The following RDX variants were observed in gnomAD, a reference collection of about 807,000 sequenced individuals.
RDX encodes radixin, also known as deafness, autosomal recessive 24.
In RDX, 32 loss-of-function variants were observed where a neutral mutation model predicts 83.7. The observed-to-expected ratio is 0.38, with a 90% CI of 0.29 to 0.51. The LOEUF (loss-of-function observed/expected upper bound fraction) is 0.51. Among genes scored for constraint, RDX ranks in the 20% least tolerant of loss-of-function variants. RDX has a pLI of 0.87. For synonymous variants in RDX, 229 were observed against 222.7 expected (o/e 1.03, Z -0.25); for missense variants, 600 against 689.9 (o/e 0.87, Z 1.46).
chr11:110,178,017 C>A (rs1036572197), intron 15 of RDX, among the ~76,000 whole-genome samples: 1 of 152,144 alleles, frequency 6.6e-6, no homozygotes, highest in African/African-American at 2.4e-5. Context: ...CACACAGTGA[C>A]ATCCCAGGTC....
chr11:110,181,524 T>C (rs1465091259), intron 15 of RDX, among the ~76,000 whole-genome samples: 1 of 152,222 alleles, frequency 6.6e-6, no homozygotes, highest in Admixed American at 6.5e-5. Flanking sequence ...CTTCCCAGTA[T>C]CTTCCACTGC....
intron 1 of RDX, among the ~76,000 whole-genome samples, chr11:110,289,419 G>A (rs991949571): frequency 6.6e-6 from 1 of 152,048 alleles, no homozygotes; most frequent in Non-Finnish European, 1.5e-5. Context: ...TTAGATATTA[G>A]CAGTAAGCTT....
chr11:110,187,153 G>A (rs1339188504), intron 15 of RDX, among the ~76,000 whole-genome samples: 1 of 152,166 alleles, frequency 6.6e-6, no homozygotes, highest in Non-Finnish European at 1.5e-5. Context: ...GGCACAGCAG[G>A]GCCCTCTCTA....
intron 5 of RDX, among the ~76,000 whole-genome samples, chr11:110,262,252 T>C (rs1437605053): frequency 6.6e-6 from 1 of 152,172 alleles, no homozygotes; most frequent in Non-Finnish European, 1.5e-5. Flanking sequence ...GTGACTACTA[T>C]TGCTACAAAA....
rs1321101443 is a variant in RDX at position 110,230,531 on chromosome 11, T to C, written c.*1338A>G. ...CTATCGTATCAAGGTACAGACATTC[T>C]TCACATGCTACAAGGTTAGCATTTC... On this transcript the variant is annotated 3_prime_UTR_variant, in exon 14 of 14. Transcript: ENST00000645495. 1 of 151,930 alleles carries C rather than the reference T, an allele frequency of 6.6e-6. No homozygotes were observed. Among genetic ancestry groups the C allele is most frequent in the East Asian group, 1.9e-4 (1 of 5,194 alleles). 9.4% of individuals were successfully genotyped at this position (151,930 alleles called of 1,614,324 possible). A position where few individuals can be genotyped will look rare whatever the true frequency, so the allele number is the denominator to read the frequency against.
intron 1 of RDX, among the ~76,000 whole-genome samples, 178 bp downstream of exon 1, chr11:110,296,289 C>A (rs1861456026): frequency 6.6e-6 from 1 of 150,878 alleles, no homozygotes; most frequent in Non-Finnish European, 1.5e-5. Context: ...GGAGCCTGGC[C>A]GGCCGGGCCG....
intron 15 of RDX, among the ~76,000 whole-genome samples, chr11:110,190,237 C>T (rs543028872): frequency 2.5e-4 from 38 of 152,228 alleles, no homozygotes; most frequent in South Asian, 2.3e-3. Context: ...GTCAGGAGTT[C>T]GAGACCAGCC....
chr11:110,199,455 C>T, intron 15 of RDX: 1 of 633,546 alleles, frequency 1.6e-6, no homozygotes, highest in Non-Finnish European at 2.9e-6. Context: ...GACTTGAAAT[C>T]CACAGGTCCT....
At chr11:110,245,129 T>C (rs2134333820) in intron 10 of RDX, among the ~76,000 whole-genome samples, 1 of 152,204 alleles carries the variant, frequency 6.6e-6, no homozygotes, top group East Asian at 1.9e-4. Context: ...TTTTGTAATT[T>C]TGGTGGAGAT....
chr11:110,271,572 A>T (rs1051844820), intron 3 of RDX, among the ~76,000 whole-genome samples: 3 of 152,212 alleles, frequency 2.0e-5, no homozygotes, highest in African/African-American at 7.2e-5. Context: ...GGGAAGCTTA[A>T]ATTTTAAAAT....
At chr11:110,206,190 G>C (rs1243685078) in intron 14 of RDX, among the ~76,000 whole-genome samples, 1 of 150,468 alleles carries the variant, frequency 6.6e-6, no homozygotes, top group Non-Finnish European at 1.5e-5. Context: ...CCAGGAGGCA[G>C]AGGTTGCAGT....
chr11:110,260,595 C>G (rs1395359237), intron 5 of RDX, among the ~76,000 whole-genome samples: 1 of 152,148 alleles, frequency 6.6e-6, no homozygotes, highest in Non-Finnish European at 1.5e-5. Flanking sequence ...GCATGTGCCA[C>G]CATGCCCAGC....
rs1028927625 is a variant in RDX at position 110,294,336 on chromosome 11, G to C, written c.-65+2131C>G. On this transcript the variant is annotated intron_variant, in intron 1 of 13. Coordinates refer to ENST00000645495, the MANE Select transcript of RDX (RefSeq NM_002906.4). ...CTTGAACCCAGGAGGCGGAGGTGCA[G>C]TGAGCCAAGATCATGCCACTGCATA... 2.8e-4 allele frequency among the ~76,000 whole-genome samples: 42 copies of C among 152,256 alleles called. 1 individual carries two copies. Among genetic ancestry groups the C allele is most frequent in the Admixed American group, 2.4e-3 (36 of 15,284 alleles).
intron 15 of RDX, among the ~76,000 whole-genome samples, chr11:110,196,439 T>C (rs1244857569): frequency 6.6e-6 from 1 of 152,222 alleles, no homozygotes; most frequent in Non-Finnish European, 1.5e-5. Context: ...AGAATTACTT[T>C]TGGCCTCAAA....
chr11:110,189,169 G>A lies in RDX; in HGVS notation c.*31+10412C>T, dbSNP rs968960816. Among the ~76,000 whole-genome samples, 23 of 136,244 alleles carry A rather than the reference G, an allele frequency of 1.7e-4. No homozygotes were observed. The South Asian group carries it at 3.6e-3, about 21-fold the overall frequency. 89.4% of individuals were successfully genotyped at this position (136,244 alleles called of 152,430 possible). A position where few individuals can be genotyped will look rare whatever the true frequency, so the allele number is the denominator to read the frequency against. On this transcript the variant is annotated intron_variant, in intron 15 of 15. Transcript: ENST00000528498. Reference sequence around the variant, plus strand: ...AAAGGGTTGGAGGAAGATCTATCATGCAAATGGAAAATAAACGAGAGCAGG... The same window carrying A: ...AAAGGGTTGGAGGAAGATCTATCATACAAATGGAAAATAAACGAGAGCAGG...
chr11:110,198,221 T>A (rs1040803869), intron 15 of RDX, among the ~76,000 whole-genome samples: 1 of 151,708 alleles, frequency 6.6e-6, no homozygotes, highest in African/African-American at 2.4e-5. Flanking sequence ...AACTCAAGAT[T>A]TACAACATAA....
At chr11:110,204,758 G>C (rs748078293) in intron 14 of RDX, among the ~76,000 whole-genome samples, 1 of 152,012 alleles carries the variant, frequency 6.6e-6, no homozygotes, top group Non-Finnish European at 1.5e-5. Context: ...CTCGTGATCT[G>C]CCTGCCTTGG....
At chr11:110,208,825 G>A (rs1267000116) in intron 14 of RDX, among the ~76,000 whole-genome samples, 4 of 152,002 alleles carry the variant, frequency 2.6e-5, no homozygotes, top group Admixed American at 6.6e-5. Flanking sequence ...GGGTAGTGGC[G>A]GCCACCTGTA....
At chr11:110,257,077 T>C (rs1209681126) in intron 7 of RDX, among the ~76,000 whole-genome samples, 1 of 151,934 alleles carries the variant, frequency 6.6e-6, no homozygotes, top group East Asian at 1.9e-4. Context: ...ATGTATTTTA[T>C]ATTGCATGTG....
Sources: gnomAD v4.1 joint callset for allele counts (sites outside exome capture counted in the v4.1 genomes callset) on GRCh38, gnomAD v4.1.1 for gene constraint, MANE v1.5 for transcripts, NCBI Gene and HGNC (gene_info 2026-07-23, HGNC 2026-07-21) for gene names.